PPP4R1: variants seen among roughly 807,000 people sequenced by gnomAD.
PPP4R1 encodes the protein protein phosphatase 4 regulatory subunit 1, also known as serine/threonine-protein phosphatase 4 regulatory subunit 1.
Under a neutral mutation model 111.2 loss-of-function variants are expected in PPP4R1, and 42 were observed. The ratio of observed to expected loss-of-function variants is 0.38; its 90% confidence interval spans 0.29 to 0.49. PPP4R1 has a LOEUF of 0.49. PPP4R1 is among the 20% of genes least tolerant of loss of function. The probability of loss-of-function intolerance (pLI) is 0.97; values close to 1 mark genes in which losing one functional copy is unlikely to be tolerated. For synonymous variants in PPP4R1, 409 were observed against 405.5 expected, an observed-to-expected ratio of 1.01 and a Z score of -0.10; for missense variants, 1,012 against 1,161.6, an observed-to-expected ratio of 0.87 and a Z score of 1.87.
At position 9,563,392 on chromosome 18, in the gene PPP4R1, T is replaced by C. The variant is rs1363568035; in HGVS notation, c.1732A>G (p.Ser578Gly). 4 of 1,612,070 alleles carry C rather than the reference T, an allele frequency of 2.5e-6. No homozygotes were observed. The highest frequency in any genetic ancestry group is 2.5e-6 in the Non-Finnish European group (3 of 1,179,098). The change falls in exon 12 of 20, where the codon AGC becomes GGC. Residue 578 changes from serine to glycine, a missense_variant. Physicochemically the swap from Ser to Gly is moderately conservative, Grantham distance 56. Around this residue, in one of 2 missense-constraint regions of PPP4R1, gnomAD observed 707 missense variants for 742.1 expected, o/e 0.95. Transcript: ENST00000400556. The stretch of plus-strand genomic sequence containing the variant: ...GAGTTTGTTACCTCAACAGCATCGC[T>C]GATTAAAGGCACAGAATCTTCTTGA... ...INQEDSVPLI[S>G]DAVENMDSTL...
chr18:9,553,436 A>T lies in PPP4R1; in HGVS notation c.2191-14T>A. ...AATATGAAGAAGCTAAAGTAACAAA[A>T]TAAAAATATTTACCAGGACAAGGTA... On this transcript the variant is annotated splice_polypyrimidine_tract_variant and intron_variant, in intron 15 of 19. Coordinates refer to ENST00000400556, the MANE Select transcript of PPP4R1 (RefSeq NM_001042388.3). The T allele has an allele frequency of 6.6e-7, 1 of 1,504,402 alleles. No individual in the cohort carries two copies. Among genetic ancestry groups the T allele is most frequent in the South Asian group, 1.1e-5 (1 of 88,410 alleles). 93.2% of individuals were successfully genotyped at this position (1,504,402 alleles called of 1,614,324 possible). A position where few individuals can be genotyped will look rare whatever the true frequency, so the allele number is the denominator to read the frequency against.
At chr18:9,581,698 G>A (rs1343161835) in intron 9 of PPP4R1, among the ~76,000 whole-genome samples, 6 of 152,216 alleles carry the variant, frequency 3.9e-5, no homozygotes, top group Admixed American at 1.3e-4. Flanking sequence ...ATTGAAAAAC[G>A]TAACTTACAT....
rs2067641032 is a variant in PPP4R1 at position 9,614,169 on chromosome 18, G to A, written c.52+57C>T. ...CCCGGCCCAGGCCTCGCCGCCGCCC[G>A]CCCTCCCCGGCCGCTCCCCGCGGAC... On this transcript the variant is annotated intron_variant, in intron 2 of 19. Transcript: ENST00000400556. The surrounding 1 kb of genome is among the most constrained non-coding windows in gnomAD (Gnocchi z 4.1). 15 of 1,283,422 alleles carry A rather than the reference G, an allele frequency of 1.2e-5. No individual in the cohort carries two copies. In the South Asian group the frequency reaches 2.9e-4, roughly 25 times the overall value. 79.5% of individuals were successfully genotyped at this position (1,283,422 alleles called of 1,614,324 possible). A position where few individuals can be genotyped will look rare whatever the true frequency, so the allele number is the denominator to read the frequency against.
intron 6 of PPP4R1, among the ~76,000 whole-genome samples, chr18:9,587,214 AC>A (rs2067131437): frequency 1.3e-5 from 2 of 152,214 alleles, no homozygotes; most frequent in Non-Finnish European, 2.9e-5. Context: ...TGATAAAATA[AC>A]CATTTCAGTT....
Position 9,588,804 on chromosome 18 carries a change from C to G in PPP4R1, c.345G>C (p.Leu115=). 6.2e-7 allele frequency: 1 copy of G among 1,614,118 alleles called. No individual in the cohort carries two copies. The highest frequency in any genetic ancestry group is 1.3e-5 in the African/African-American group (1 of 75,044). Reference sequence around the variant, plus strand: ...TTGAAGGCCGGTTTTCTTGACAAAACAGTGCGATGTGAGGCACCTGTTCCA... The same window carrying G: ...TTGAAGGCCGGTTTTCTTGACAAAAGAGTGCGATGTGAGGCACCTGTTCCA... The part of the protein sequence containing the change: ...ELMEQVPHIA[L]FCQENRPSIP... Residue 115 remains leucine, a synonymous_variant, in exon 5 of 20, where the codon CTG becomes CTC. Transcript: ENST00000400556.
At chr18:9,616,532 C>T (rs1037097384), upstream of PPP4R1, among the ~76,000 whole-genome samples, 3 of 152,170 alleles carry the variant, frequency 2.0e-5, no homozygotes, top group Admixed American at 6.5e-5. Context: ...CCTTGGTCTC[C>T]CAAAGCACCA....
intron 16 of PPP4R1, 89 bp downstream of exon 16, chr18:9,553,233 C>T: frequency 9.6e-7 from 1 of 1,045,672 alleles, no homozygotes. Context: ...CTTGGATCTA[C>T]ACAAAGTAAT....
At chr18:9,567,892 C>T (rs1409319081) in intron 11 of PPP4R1, among the ~76,000 whole-genome samples, 1 of 152,212 alleles carries the variant, frequency 6.6e-6, no homozygotes, top group African/African-American at 2.4e-5. Flanking sequence ...AAGCAAGACC[C>T]TCCACCAGCA....
chr18:9,617,016 C>G (rs1017107161), upstream of PPP4R1: 1 of 152,214 alleles, frequency 6.6e-6, no homozygotes, highest in African/African-American at 2.4e-5. Flanking sequence ...TCTCTCCTTT[C>G]TAAAAGAAAG....
At chr18:9,609,833 G>A (rs953287099) in intron 2 of PPP4R1, among the ~76,000 whole-genome samples, 15 of 152,172 alleles carry the variant, frequency 9.9e-5, no homozygotes, top group African/African-American at 3.6e-4. Flanking sequence ...GGCCATTTAA[G>A]AAAATATTCA....
chr18:9,610,130 T>C (rs2067552603), intron 2 of PPP4R1, among the ~76,000 whole-genome samples: 2 of 152,260 alleles, frequency 1.3e-5, no homozygotes, highest in Non-Finnish European at 2.9e-5. Flanking sequence ...AAGCATTGGC[T>C]CATCAAATCT....
chr18:9,604,605 T>A (rs1226987319), intron 2 of PPP4R1, among the ~76,000 whole-genome samples: 1 of 152,120 alleles, frequency 6.6e-6, no homozygotes, highest in African/African-American at 2.4e-5. Flanking sequence ...ATTTACCTAT[T>A]ACTAACAACA....
Position 9,547,836 on chromosome 18 carries a change from T to C in PPP4R1, c.2806A>G (p.Thr936Ala). 1 of 1,613,494 alleles carries C rather than the reference T, an allele frequency of 6.2e-7. No individual in the cohort carries two copies. The highest frequency in any genetic ancestry group is 8.5e-7 in the Non-Finnish European group (1 of 1,180,012). The change falls in exon 20 of 20, where the codon ACC becomes GCC. Residue 936 changes from threonine (T) to alanine (A), a missense_variant. Around this residue, in one of 2 missense-constraint regions of PPP4R1, gnomAD observed 305 missense variants for 419.5 expected, o/e 0.73. Transcript: ENST00000400556. ...CTCATGGCATCTTCGGAGATTTTGG[T>C]ACTGGCAGGGTGGATGCTTGCAAAA... Reference protein sequence around the residue: ...KYFASIHPASTKISEDAMSTA... With the variant: ...KYFASIHPASAKISEDAMSTA...
chr18:9,604,403 A>G (rs1314286859), intron 2 of PPP4R1, among the ~76,000 whole-genome samples: 1 of 152,084 alleles, frequency 6.6e-6, no homozygotes, highest in Non-Finnish European at 1.5e-5. Context: ...CCTCCCAGGC[A>G]GTCTGAATTA....
chr18:9,567,141 T>C (rs1389075917), intron 11 of PPP4R1, among the ~76,000 whole-genome samples: 2 of 152,140 alleles, frequency 1.3e-5, no homozygotes, highest in East Asian at 1.9e-4. Context: ...CTAGATGCCA[T>C]TAGGAGCATT....
At chr18:9,580,835 C>G (rs2067017375) in intron 9 of PPP4R1, among the ~76,000 whole-genome samples, 1 of 152,202 alleles carries the variant, frequency 6.6e-6, no homozygotes, top group African/African-American at 2.4e-5. Context: ...CTTCCACCCT[C>G]CTTTGGGTGT....
At chr18:9,593,734 TAGAA>T in intron 4 of PPP4R1, 30 bp downstream of exon 4, 1 of 1,577,086 alleles carries the variant, frequency 6.3e-7, no homozygotes. Context: ...GAAGCCTTTC[TAGAA>T]TAGAGTAAAT....
intron 12 of PPP4R1, 86 bp downstream of exon 12, chr18:9,563,292 A>AAACTAC (rs1382109989): frequency 1.6e-5 from 23 of 1,412,676 alleles, no homozygotes; most frequent in Middle Eastern, 4.8e-4. Flanking sequence ...ATACAAACTA[A>AAACTAC]AAGTGATTAG....
At chr18:9,597,868 G>T (rs1483840808) in intron 2 of PPP4R1, among the ~76,000 whole-genome samples, 6 of 152,132 alleles carry the variant, frequency 3.9e-5, no homozygotes, top group African/African-American at 1.4e-4. Flanking sequence ...TTCTACAACA[G>T]AAACAGACCC....
Sources: allele counts gnomAD v4.1 joint callset (sites outside exome capture counted in the v4.1 genomes callset), GRCh38; gene constraint gnomAD v4.1.1; regional missense constraint gnomAD v4.1.1; non-coding constraint Gnocchi (gnomAD v3.1); transcripts MANE v1.5; gene names NCBI Gene and HGNC (gene_info 2026-07-23, HGNC 2026-07-21).